Variants in MTMR7 observed in about 807,000 individuals in gnomAD.
MTMR7 encodes phosphatidylinositol-3-phosphate phosphatase MTMR7.
In MTMR7, 76 loss-of-function variants were observed where a neutral mutation model predicts 81.2. That is an observed-to-expected ratio of 0.94 (90% CI 0.78 to 1.13). MTMR7 has a LOEUF of 1.13. MTMR7 is among the 50% of genes most tolerant of loss of function. MTMR7 has a pLI of 0.00. For synonymous variants in MTMR7, 372 were observed against 289.8 expected (o/e 1.28, Z -2.88); for missense variants, 1,044 against 820.0 (o/e 1.27, Z -3.34).
chr8:17,391,600 A>T (rs765986434), intron 1 of MTMR7, among the ~76,000 whole-genome samples: 10 of 152,158 alleles, frequency 6.6e-5, no homozygotes, highest in Non-Finnish European at 1.5e-4. Context: ...AAAAGGCAGA[A>T]TCCCTTCCTT....
chr8:17,354,838 T>C (rs923470699), intron 4 of MTMR7, among the ~76,000 whole-genome samples: 4 of 152,194 alleles, frequency 2.6e-5, no homozygotes, highest in African/African-American at 9.6e-5. Context: ...TGTGTTCTCT[T>C]GCTAAGTTAG....
chr8:17,376,032 T>C (rs189752796), intron 1 of MTMR7, among the ~76,000 whole-genome samples: 1 of 152,280 alleles, frequency 6.6e-6, no homozygotes, highest in Non-Finnish European at 1.5e-5. Context: ...AACATTTTCA[T>C]CACCGCAAAA....
At chr8:17,392,285 TTAA>T (rs1821130183) in intron 1 of MTMR7, among the ~76,000 whole-genome samples, 1 of 152,152 alleles carries the variant, frequency 6.6e-6, no homozygotes, top group African/African-American at 2.4e-5. Flanking sequence ...ACCTAATCAG[TTAA>T]TAATGTGAGT....
chr8:17,411,810 C>T lies in MTMR7; in HGVS notation c.24+1459G>A, dbSNP rs553776792. Among the ~76,000 whole-genome samples the T allele has an allele frequency of 1.2e-4, 18 of 152,290 alleles. No homozygotes were observed. The South Asian group carries it at 3.7e-3, about 32-fold the overall frequency. On this transcript the variant is annotated intron_variant, in intron 1 of 13. Coordinates refer to ENST00000180173, the MANE Select transcript of MTMR7 (RefSeq NM_004686.5). ...ATAGAACAGAAAAGGCCTTGACTCC[C>T]CCAAATTCATATTCTCTAACAAAGT...
chr8:17,300,594 C>G (rs1239715826), intron 13 of MTMR7, among the ~76,000 whole-genome samples: 3 of 152,174 alleles, frequency 2.0e-5, no homozygotes, highest in Non-Finnish European at 4.4e-5. Context: ...TGTTTATCAT[C>G]TAACTTTTAT....
At chr8:17,387,583 C>G (rs1283791936) in intron 1 of MTMR7, among the ~76,000 whole-genome samples, 1 of 152,176 alleles carries the variant, frequency 6.6e-6, no homozygotes, top group Admixed American at 6.5e-5. Flanking sequence ...GTTAGTATAT[C>G]GGTGTCCCAA....
chr8:17,372,047 C>T (rs968817381), intron 2 of MTMR7, among the ~76,000 whole-genome samples: 1 of 152,008 alleles, frequency 6.6e-6, no homozygotes, highest in Non-Finnish European at 1.5e-5. Context: ...GCACTCCCAG[C>T]CTCTGGTAAA....
In MTMR7 at chr8:17,298,555, C is replaced by T. The variant is rs552856333; in HGVS notation, c.*1307G>A. The T allele has an allele frequency of 3.8e-4, 58 of 152,550 alleles. No homozygotes were observed. The highest frequency in any genetic ancestry group is 1.4e-3 in the African/African-American group (58 of 41,520). The allele number at this position is 152,550 out of a possible 1,614,324, so 9.4% of individuals were successfully genotyped here. ...TAATAATTCTCCCATTAAAAAAAAT[C>T]AGATATTCAAAATATTGATGTAAAT... On this transcript the variant is annotated 3_prime_UTR_variant, in exon 14 of 14. Transcript: ENST00000180173.
chr8:17,367,868 G>T (rs74350451), intron 3 of MTMR7, among the ~76,000 whole-genome samples: 4,290 of 129,070 alleles, frequency 0.033, 402 homozygotes, highest in East Asian at 0.32. Flanking sequence ...AAGGTTTGGG[G>T]TTTTTTTTTT....
At chr8:17,300,379 T>C (rs1653660875) in intron 13 of MTMR7, 155 bp from the exon 14 acceptor site, 4 of 768,728 alleles carry the variant, frequency 5.2e-6, no homozygotes, top group Middle Eastern at 7.7e-4. Flanking sequence ...CTTCACGACC[T>C]TGGACAAAAT....
intron 4 of MTMR7, among the ~76,000 whole-genome samples, chr8:17,349,643 T>C (rs192707362): frequency 6.6e-6 from 1 of 152,254 alleles, no homozygotes; most frequent in African/African-American, 2.4e-5. Flanking sequence ...AAGTTCCACC[T>C]CCTTCGGGAA....
At chr8:17,394,818 A>G (rs1821203266) in intron 1 of MTMR7, among the ~76,000 whole-genome samples, 2 of 128,604 alleles carry the variant, frequency 1.6e-5, no homozygotes, top group South Asian at 5.3e-4. Flanking sequence ...GTTGATATAC[A>G]TTTGCCAAAT....
At chr8:17,380,676 G>A (rs1820730271) in intron 1 of MTMR7, among the ~76,000 whole-genome samples, 1 of 152,110 alleles carries the variant, frequency 6.6e-6, no homozygotes, top group Admixed American at 6.5e-5. Context: ...CTAGAGCTAA[G>A]GTCTGTCTAA....
At chr8:17,387,557 G>C (rs1820982640) in intron 1 of MTMR7, among the ~76,000 whole-genome samples, 1 of 152,198 alleles carries the variant, frequency 6.6e-6, no homozygotes, top group South Asian at 2.1e-4. Context: ...GTAATTCTAA[G>C]CATGTCAGAA....
intron 1 of MTMR7, among the ~76,000 whole-genome samples, chr8:17,401,562 C>T (rs528318686): frequency 3.3e-5 from 5 of 151,754 alleles, no homozygotes; most frequent in Admixed American, 2.6e-4. Flanking sequence ...GGTGGGGGAG[C>T]GGCAAAAATG....
intron 2 of MTMR7, 135 bp from the exon 3 acceptor site, chr8:17,371,334 G>T: frequency 1.1e-6 from 1 of 937,596 alleles, no homozygotes; most frequent in Non-Finnish European, 1.6e-6. Flanking sequence ...CTTGCGTTCA[G>T]ATGACAAGCA....
Position 17,344,279 on chromosome 8 carries a change from A to G in MTMR7, c.598-2782T>C, listed in dbSNP as rs147455927. On this transcript the variant is annotated intron_variant, in intron 5 of 13. Transcript: ENST00000180173. The stretch of plus-strand genomic sequence containing the variant: ...TCTTAACAAAGTAATTCAAGCCCCA[A>G]TGGGAGGAAATAGGTCAGGCAGCAC... Among the ~76,000 whole-genome samples, 323 of 152,272 alleles carry G rather than the reference A, an allele frequency of 2.1e-3. 6 individuals carry two copies. The East Asian group carries it at 0.052, about 24-fold the overall frequency.
At position 17,344,369 on chromosome 8, in the gene MTMR7, C is replaced by T. The variant is rs1459072510; in HGVS notation, c.598-2872G>A. On this transcript the variant is annotated intron_variant, in intron 5 of 13. Transcript: ENST00000180173. ...GCTCATGCCTGTAATCCCAGCACTTCGGGAGGCCAAGGCAGGTGCATCACC... is the reference window on the plus strand; with the variant it reads ...GCTCATGCCTGTAATCCCAGCACTTTGGGAGGCCAAGGCAGGTGCATCACC... 3.3e-5 allele frequency among the ~76,000 whole-genome samples: 5 copies of T among 152,062 alleles called. No individual in the cohort carries two copies. In the East Asian group the frequency reaches 5.8e-4, roughly 18 times the overall value.
intron 5 of MTMR7, among the ~76,000 whole-genome samples, chr8:17,347,068 C>G (rs111235927): frequency 3.3e-5 from 5 of 151,670 alleles, no homozygotes; most frequent in African/African-American, 1.2e-4. Flanking sequence ...GGGTGGCACA[C>G]GCGTGGTCCC....
Sources: allele counts gnomAD v4.1 joint callset (sites outside exome capture counted in the v4.1 genomes callset), GRCh38; gene constraint gnomAD v4.1.1; transcripts MANE v1.5; gene names NCBI Gene and HGNC (gene_info 2026-07-23, HGNC 2026-07-21).